FAM120C: variants seen among roughly 807,000 people sequenced by gnomAD.
FAM120C encodes constitutive coactivator of PPAR-gamma-like protein 2.
Under a neutral mutation model 71.2 loss-of-function variants are expected in FAM120C, and 14 were observed. The observed-to-expected ratio is 0.20, with a 90% confidence interval of 0.13 to 0.31. The LOEUF (loss-of-function observed/expected upper bound fraction) is 0.31, where lower values mean the gene tolerates loss of function less well. Ranked by LOEUF, FAM120C falls within the 10% of genes least tolerant of loss-of-function variation. The pLI is 1.00. For synonymous variants in FAM120C, 354 were observed against 353.2 expected (o/e 1.00, Z -0.03); for missense variants, 500 against 879.0 (o/e 0.57, Z 5.45).
At chrX:54,104,794 C>T (rs1309887050) in intron 10 of FAM120C, among the ~76,000 whole-genome samples, 3 of 107,336 alleles carry the variant, frequency 2.8e-5, no homozygotes, top group Non-Finnish European at 5.8e-5. Flanking sequence ...GGCAACCGAG[C>T]GAGACTCTGT....
In FAM120C at chrX:54,098,266, C is replaced by G. The variant is rs1003172511; in HGVS notation, c.2313-6840G>C. 5.5e-5 allele frequency among the ~76,000 whole-genome samples: 6 copies of G among 109,417 alleles called. No individual in the cohort carries two copies. The Admixed American group carries it at 5.9e-4, about 11-fold the overall frequency. On this transcript the variant is annotated intron_variant, in intron 10 of 15. Transcript: ENST00000375180. ...ATGTTGGCCAGGCTGGTCTCAAACT[C>G]CTGACCTCAGGTGATCCACCCACCT...
intron 1 of FAM120C, among the ~76,000 whole-genome samples, chrX:54,169,790 C>T (rs1158638752): frequency 3.6e-5 from 4 of 112,465 alleles, no homozygotes; most frequent in African/African-American, 1.3e-4. Context: ...TCAACTGGAA[C>T]TCTAACTACT....
intron 1 of FAM120C, among the ~76,000 whole-genome samples, chrX:54,179,417 C>G (rs1247255075): frequency 9.0e-6 from 1 of 111,641 alleles, no homozygotes; most frequent in African/African-American, 3.3e-5. Flanking sequence ...GACATTCAGT[C>G]AAAAGAAATA....
At chrX:54,144,688 A>G (rs2067145384) in intron 4 of FAM120C, among the ~76,000 whole-genome samples, 1 of 112,468 alleles carries the variant, frequency 8.9e-6, no homozygotes, top group Non-Finnish European at 1.9e-5. Context: ...ATGGAAGAAC[A>G]TTCCATGCTC....
chrX:54,134,154 G>C (rs1401230160), intron 7 of FAM120C, 108 bp from the exon 8 acceptor site: 1 of 775,246 alleles, frequency 1.3e-6, no homozygotes, highest in African/African-American at 2.1e-5. Context: ...CCCTTTGGAG[G>C]GCAGGACACT....
At chrX:54,123,522 G>T (rs1219954258) in intron 9 of FAM120C, among the ~76,000 whole-genome samples, 1 of 40,452 alleles carries the variant, frequency 2.5e-5, no homozygotes, top group Non-Finnish European at 4.4e-5. Flanking sequence ...GGCTCCTGAG[G>T]CTTCTGCATT....
At chrX:54,128,476 CTT>C (rs781959439) in intron 9 of FAM120C, among the ~76,000 whole-genome samples, 2 of 101,114 alleles carry the variant, frequency 2.0e-5, no homozygotes, top group Non-Finnish European at 4.1e-5. Context: ...CCTTTGCCTA[CTT>C]TTTTTTTTTT....
chrX:54,166,016 A>G (rs1198315326), intron 1 of FAM120C, among the ~76,000 whole-genome samples: 1 of 110,532 alleles, frequency 9.0e-6, no homozygotes, highest in Non-Finnish European at 1.9e-5. Context: ...GTAAGCTCAA[A>G]AGACAAATGA....
At chrX:54,088,309 T>C (rs1306983545) in intron 11 of FAM120C, among the ~76,000 whole-genome samples, 1 of 111,587 alleles carries the variant, frequency 9.0e-6, no homozygotes, top group Non-Finnish European at 1.9e-5. Context: ...GTATATTACA[T>C]GGCCAGGTGC....
chrX:54,154,015 G>A lies in FAM120C; in HGVS notation c.1030-2642C>T, dbSNP rs984067432. On this transcript the variant is annotated intron_variant, in intron 3 of 15. Transcript: ENST00000375180. ...AGTGCCCGGCCAAGGATTTTGAATG[G>A]AGAAGTGACAGGATCTCAGTGGTTT... Among the ~76,000 whole-genome samples the A allele has an allele frequency of 8.3e-5, 9 of 108,983 alleles. 1 individual carries two copies. Among genetic ancestry groups the A allele is most frequent in the South Asian group, 8.2e-4 (2 of 2,449 alleles). The allele number at this position is 108,983 out of a possible 115,157, so 94.6% of individuals were successfully genotyped here.
rs781838631 is a variant in FAM120C, at chrX:54,103,362, A to T, written c.2313-11936T>A. On this transcript the variant is annotated intron_variant, in intron 10 of 15. Transcript: ENST00000375180. ...GCTTAAGGCTTGTGTACTCTCATTT[A>T]AAAAATTCCTTTCCTAAAAGAAATG... is the stretch of plus-strand genomic sequence containing the variant. 1.1e-4 allele frequency among the ~76,000 whole-genome samples: 12 copies of T among 111,739 alleles called. No homozygotes were observed. In the South Asian group the frequency reaches 1.5e-3, roughly 14 times the overall value.
chrX:54,161,807 T>C (rs2067237100), intron 1 of FAM120C, among the ~76,000 whole-genome samples: 1 of 111,979 alleles, frequency 8.9e-6, no homozygotes. Context: ...AATTTTTGTA[T>C]TTTTAGTAGA....
intron 1 of FAM120C, among the ~76,000 whole-genome samples, chrX:54,175,878 C>T (rs1454073902): frequency 1.8e-5 from 2 of 111,667 alleles, no homozygotes; most frequent in Non-Finnish European, 3.8e-5. Flanking sequence ...GATCTAAACC[C>T]AGGCAGTCTG....
chrX:54,108,803 G>A (rs898803464), intron 10 of FAM120C, among the ~76,000 whole-genome samples: 24 of 104,345 alleles, frequency 2.3e-4, no homozygotes, highest in Middle Eastern at 9.4e-3. Flanking sequence ...GGTGGTGCGC[G>A]CCTGTAATCT....
chrX:54,084,566 C>T (rs1294147848), intron 13 of FAM120C, among the ~76,000 whole-genome samples: 1 of 111,996 alleles, frequency 8.9e-6, no homozygotes, highest in Non-Finnish European at 1.9e-5. Context: ...CCATGGCTCA[C>T]GCCTGTAATC....
intron 7 of FAM120C, among the ~76,000 whole-genome samples, chrX:54,134,470 T>G (rs1363947338): frequency 8.9e-6 from 1 of 111,966 alleles, no homozygotes; most frequent in Non-Finnish European, 1.9e-5. Flanking sequence ...ATAAAATTGC[T>G]TACTCAACGA....
intron 4 of FAM120C, among the ~76,000 whole-genome samples, chrX:54,146,642 C>T (rs2146623758): frequency 8.9e-6 from 1 of 111,956 alleles, no homozygotes; most frequent in East Asian, 2.8e-4. Context: ...GTTTGTGCCA[C>T]TGTACTCCGG....
chrX:54,129,124 A>C (rs1313250904), intron 9 of FAM120C, among the ~76,000 whole-genome samples: 10 of 104,161 alleles, frequency 9.6e-5, no homozygotes, highest in African/African-American at 2.1e-4. Context: ...TCCCTCCCGG[A>C]CGGGGCGGCC....
chrX:54,144,114 C>T (rs1236286771), intron 4 of FAM120C, among the ~76,000 whole-genome samples: 1 of 111,671 alleles, frequency 9.0e-6, no homozygotes, highest in African/African-American at 3.3e-5. Flanking sequence ...AACTCAACAG[C>T]CCTTCATGCT....
Sources: allele counts gnomAD v4.1 joint callset (sites outside exome capture counted in the v4.1 genomes callset), GRCh38; gene constraint gnomAD v4.1.1; transcripts MANE v1.5; gene names NCBI Gene and HGNC (gene_info 2026-07-23, HGNC 2026-07-21).